DNMT1: variants seen among roughly 807,000 people sequenced by gnomAD.
DNMT1 encodes the protein DNA (cytosine-5)-methyltransferase 1.
DNMT1 carries 24 observed loss-of-function variants against 205.3 expected under a neutral mutation model. That is an observed-to-expected ratio of 0.12 (90% CI 0.08 to 0.16). The LOEUF is 0.16. DNMT1 is among the 10% of genes least tolerant of loss of function. DNMT1 has a pLI of 1.00. For missense variants in DNMT1, 1,293 were observed against 2,177.7 expected (o/e 0.59, Z 8.09); for synonymous variants, 817 against 839.8 (o/e 0.97, Z 0.47).
At chr19:10,185,403 C>A (rs1468416464) in intron 1 of DNMT1, among the ~76,000 whole-genome samples, 2 of 141,532 alleles carry the variant, frequency 1.4e-5, no homozygotes, top group Non-Finnish European at 3.0e-5. Flanking sequence ...CCAGCCTGGG[C>A]AACAGAGCAA....
rs1599351879 is a variant in DNMT1, at chr19:10,143,763, G to C, written c.3116+3C>G. 6.2e-7 allele frequency: 1 copy of C among 1,614,090 alleles called. No homozygotes were observed. The highest frequency in any genetic ancestry group is 1.3e-5 in the African/African-American group (1 of 75,040). On this transcript the variant is annotated splice_donor_region_variant and intron_variant, in intron 29 of 40. Transcript: ENST00000359526. ...TCGTGGAAGAACAGAGGCCTCTGCT[G>C]ACCTGTAGAACTTGTTGACCCGGAT...
intron 1 of DNMT1, among the ~76,000 whole-genome samples, chr19:10,186,975 C>CACAG (rs2039197940): frequency 6.6e-6 from 1 of 151,826 alleles, no homozygotes; most frequent in Admixed American, 6.6e-5. Context: ...GTGAACCGGG[C>CACAG]ACAGGAAGCT....
intron 5 of DNMT1, 76 bp from the exon 6 acceptor site, chr19:10,177,443 T>C (rs1402836413): frequency 2.8e-6 from 4 of 1,408,364 alleles, no homozygotes; most frequent in African/African-American, 2.9e-5. Context: ...AATAATGCAG[T>C]TCAACATTAC....
At position 10,137,783 on chromosome 19, in the gene DNMT1, CT is replaced by C; in HGVS notation, c.4293+48del. The C allele has an allele frequency of 1.3e-6, 2 of 1,595,776 alleles. No homozygotes were observed. Among genetic ancestry groups the C allele is most frequent in the Middle Eastern group, 1.9e-4 (1 of 5,370 alleles). Reference sequence around the variant, plus strand: ...GGGCAGGCTGACTGTTCCCACGAGGCTGCTGGGCTGGGCCTCGAGGAGGAGC... The same window carrying C: ...GGGCAGGCTGACTGTTCCCACGAGGCGCTGGGCTGGGCCTCGAGGAGGAGC... On this transcript the variant is annotated intron_variant, in intron 36 of 40. Coordinates refer to ENST00000359526, the MANE Select transcript of DNMT1 (RefSeq NM_001130823.3). This position sits in a 1 kb window ranked among gnomAD's most constrained non-coding sequence, Gnocchi z 6.4.
chr19:10,180,408 G>C lies in DNMT1; in HGVS notation c.387C>G (p.Pro129=), dbSNP rs369470867. Reference sequence around the variant, plus strand: ...GCGTGCGAGGTTTGGAAAGGGGTTTGGGGGGGCTGTTGGCATCTGCCATTC... The same window carrying C: ...GCGTGCGAGGTTTGGAAAGGGGTTTCGGGGGGCTGTTGGCATCTGCCATTC... ...RVGMADANSP[P]KPLSKPRTPR... The change falls in exon 4 of 41, where the codon CCC becomes CCG. Residue 129 remains proline (P), a synonymous_variant. Coordinates refer to ENST00000359526, the MANE Select transcript of DNMT1 (RefSeq NM_001130823.3). 2 of 1,613,746 alleles carry C rather than the reference G, an allele frequency of 1.2e-6. No individual in the cohort carries two copies. The highest frequency in any genetic ancestry group is 1.7e-6 in the Non-Finnish European group (2 of 1,180,022).
At position 10,144,316 on chromosome 19, in the gene DNMT1, G is replaced by C. The variant is rs1281971919; in HGVS notation, c.2895-329C>G. Reference sequence around the variant, plus strand: ...CCAGCTACTTGGGAGGCTGAGGCAGGAGAATTGCTTGAACCCAGGAGGCAG... The same window carrying C: ...CCAGCTACTTGGGAGGCTGAGGCAGCAGAATTGCTTGAACCCAGGAGGCAG... On this transcript the variant is annotated intron_variant, in intron 28 of 40. Coordinates refer to ENST00000359526, the MANE Select transcript of DNMT1 (RefSeq NM_001130823.3). 9 of 356,880 alleles carry C rather than the reference G, an allele frequency of 2.5e-5. No homozygotes were observed. The East Asian group carries it at 6.4e-4, about 25-fold the overall frequency. 22.1% of individuals were successfully genotyped at this position (356,880 alleles called of 1,614,324 possible).
At position 10,138,714 on chromosome 19, in the gene DNMT1, G is replaced by A; in HGVS notation, c.3949-109C>T. 7.2e-7 allele frequency: 1 copy of A among 1,395,306 alleles called. No individual in the cohort carries two copies. Among genetic ancestry groups the A allele is most frequent in the Non-Finnish European group, 9.7e-7 (1 of 1,034,134 alleles). 86.4% of individuals were successfully genotyped at this position (1,395,306 alleles called of 1,614,324 possible). ...CCTGAGTCGGGAGTGGCTGGCCAAT[G>A]CGGAGTGCACTTGCAGAAATCCCCA... On this transcript the variant is annotated intron_variant, in intron 34 of 40. Coordinates refer to ENST00000359526, the MANE Select transcript of DNMT1 (RefSeq NM_001130823.3). The surrounding 1 kb of genome is among the most constrained non-coding windows in gnomAD (Gnocchi z 4.1).
At position 10,137,743 on chromosome 19, in the gene DNMT1, T is replaced by A; in HGVS notation, c.4293+89A>T. ...GAGGAGCCTGGGATCAGATTCCATG[T>A]CTCCCCTGAGTCTTGGGCAGGCTGA... is the stretch of plus-strand genomic sequence containing the variant. On this transcript the variant is annotated intron_variant, in intron 36 of 40. Transcript: ENST00000359526. The surrounding 1 kb of genome is among the most constrained non-coding windows in gnomAD (Gnocchi z 6.4). 1 of 1,516,992 alleles carries A rather than the reference T, an allele frequency of 6.6e-7. No homozygotes were observed. Among genetic ancestry groups the A allele is most frequent in the Non-Finnish European group, 9.0e-7 (1 of 1,114,578 alleles). The allele number at this position is 1,516,992 out of a possible 1,614,324, so 94.0% of individuals were successfully genotyped here.
chr19:10,172,987 G>A, intron 9 of DNMT1, 103 bp downstream of exon 9: 1 of 1,347,528 alleles, frequency 7.4e-7, no homozygotes, highest in Non-Finnish European at 1.1e-6. Flanking sequence ...AACCCATCTT[G>A]TTCTTCCACG....
chr19:10,152,694 G>A (rs990234762), intron 22 of DNMT1, among the ~76,000 whole-genome samples: 1 of 151,998 alleles, frequency 6.6e-6, no homozygotes, highest in African/African-American at 2.4e-5. Flanking sequence ...CCAGTAGGTT[G>A]AGAATGCAGT....
In DNMT1 at chr19:10,151,328, CGAGATACTA is replaced by C; in HGVS notation, c.2265+61_2265+69del. 6.2e-7 allele frequency: 1 copy of C among 1,600,190 alleles called. No homozygotes were observed. Among genetic ancestry groups the C allele is most frequent in the Admixed American group, 1.7e-5 (1 of 59,978 alleles). On this transcript the variant is annotated intron_variant, in intron 24 of 40. Transcript: ENST00000359526. The surrounding 1 kb of genome is among the most constrained non-coding windows in gnomAD (Gnocchi z 5.0). ...CAGGCTGCCTGAGAGGTCAGGTTGG[CGAGATACTA>C]GAGGGCAACCTGCTTATTGGGAACA...
intron 24 of DNMT1, among the ~76,000 whole-genome samples, chr19:10,150,230 G>A (rs1028138394): frequency 5.3e-5 from 8 of 152,182 alleles, no homozygotes; most frequent in Admixed American, 4.6e-4. Context: ...CGGGTCCCAG[G>A]ATTTGATTTT....
At chr19:10,155,550 C>T (rs2038439767) in intron 19 of DNMT1, among the ~76,000 whole-genome samples, 1 of 152,046 alleles carries the variant, frequency 6.6e-6, no homozygotes, top group South Asian at 2.1e-4. Context: ...GTTGGCCAGG[C>T]TAGGCTGGTC....
At chr19:10,173,210 T>C in intron 8 of DNMT1, 36 bp from the exon 9 acceptor site, 1 of 1,608,172 alleles carries the variant, frequency 6.2e-7, no homozygotes, top group Non-Finnish European at 8.5e-7. Context: ...CAAGTGTGAG[T>C]GCCAGGAGCT....
chr19:10,149,562 T>C lies in DNMT1; in HGVS notation c.2477A>G (p.Asp826Gly). Residue 826 changes from aspartate (D) to glycine (G), a missense_variant, in exon 26 of 41, where the codon GAC becomes GGC. Around this residue, in one of 13 missense-constraint regions of DNMT1, gnomAD observed 197 missense variants for 353.6 expected, o/e 0.56. Coordinates refer to ENST00000359526, the MANE Select transcript of DNMT1 (RefSeq NM_001130823.3). ...GTDTVLGATS[D>G]PLELFLVDEC... ...ATCCACCAAGAACAGCTCCAGAGGG[T>C]CCGACGTGGCCCCGAGGACTGTGTC... 6.2e-7 allele frequency: 1 copy of C among 1,612,342 alleles called. No individual in the cohort carries two copies. Among genetic ancestry groups the C allele is most frequent in the Non-Finnish European group, 8.5e-7 (1 of 1,179,442 alleles).
chr19:10,165,801 G>A (rs951521194), intron 11 of DNMT1, among the ~76,000 whole-genome samples: 7 of 152,200 alleles, frequency 4.6e-5, no homozygotes, highest in African/African-American at 1.7e-4. Context: ...GTCTGAAGGA[G>A]TGCTGACAGT....
intron 24 of DNMT1, among the ~76,000 whole-genome samples, chr19:10,150,558 T>G (rs1488901874): frequency 6.6e-6 from 1 of 152,230 alleles, no homozygotes; most frequent in African/African-American, 2.4e-5. Context: ...CTGCAGGGGC[T>G]CAGCCACGGC....
chr19:10,136,897 G>A (rs986897945), intron 37 of DNMT1, among the ~76,000 whole-genome samples, 188 bp downstream of exon 37: 1 of 152,098 alleles, frequency 6.6e-6, no homozygotes, highest in Non-Finnish European at 1.5e-5. Flanking sequence ...AAAGTGCTGG[G>A]ATTATAGGTG....
At chr19:10,136,618 T>C (rs955249951) in intron 37 of DNMT1, among the ~76,000 whole-genome samples, 1 of 152,100 alleles carries the variant, frequency 6.6e-6, no homozygotes, top group Admixed American at 6.6e-5. Flanking sequence ...GTAGTTTTAA[T>C]AGAGATGGGG....
Sources: allele counts gnomAD v4.1 joint callset (sites outside exome capture counted in the v4.1 genomes callset), GRCh38; gene constraint gnomAD v4.1.1; regional missense constraint gnomAD v4.1.1; non-coding constraint Gnocchi (gnomAD v3.1); transcripts MANE v1.5; gene names NCBI Gene and HGNC (gene_info 2026-07-23, HGNC 2026-07-21).